Variants in CUL4B observed in about 807,000 individuals in gnomAD.
CUL4B encodes cullin-4B.
Under a neutral mutation model 69.2 loss-of-function variants are expected in CUL4B, and 1 was observed. That is an observed-to-expected ratio of 0.01 (90% confidence interval 0.01 to 0.07). The LOEUF is 0.07. Among genes scored for constraint, CUL4B ranks in the 10% least tolerant of loss-of-function variants. The pLI is 1.00. For missense variants in CUL4B, 328 were observed against 638.8 expected (o/e 0.51, Z 5.24); for synonymous variants, 237 against 223.2 (o/e 1.06, Z -0.55).
chrX:120,556,958 C>T (rs1396898463), intron 2 of CUL4B, among the ~76,000 whole-genome samples: 7 of 105,841 alleles, frequency 6.6e-5, no homozygotes, highest in Admixed American at 4.1e-4. Flanking sequence ...GTTGCCCAGG[C>T]TGGAGTGCAA....
intron 1 of CUL4B, among the ~76,000 whole-genome samples, chrX:120,558,818 G>A (rs1925126480): frequency 9.0e-6 from 1 of 111,500 alleles, no homozygotes; most frequent in South Asian, 3.7e-4. Flanking sequence ...TTTTAGGAGG[G>A]AGAGAAAAAA....
intron 18 of CUL4B, among the ~76,000 whole-genome samples, chrX:120,531,204 C>T (rs995003828): frequency 1.8e-5 from 2 of 109,211 alleles, no homozygotes; most frequent in East Asian, 5.8e-4. Context: ...CGCATGTAGT[C>T]CCAGCTACTC....
rs1923720513 is a variant in CUL4B, at chrX:120,537,137, A to G, written c.1939-103T>C. 6 of 593,470 alleles carry G rather than the reference A, an allele frequency of 1.0e-5. No individual in the cohort carries two copies. In the East Asian group the frequency reaches 1.7e-4, roughly 17 times the overall value. 48.9% of individuals were successfully genotyped at this position (593,470 alleles called of 1,213,427 possible). A position where few individuals can be genotyped will look rare whatever the true frequency, so the allele number is the denominator to read the frequency against. ...CCCTGTTATGAAATTACATGCAAACACTGACCATCCTTAAAATAAAAGGCA... is the reference window on the plus strand; with the variant it reads ...CCCTGTTATGAAATTACATGCAAACGCTGACCATCCTTAAAATAAAAGGCA... On this transcript the variant is annotated intron_variant, in intron 14 of 19. Transcript: ENST00000371322.
At chrX:120,546,268 T>C (rs968905548) in intron 4 of CUL4B, among the ~76,000 whole-genome samples, 6 of 110,376 alleles carry the variant, frequency 5.4e-5, no homozygotes, top group African/African-American at 2.0e-4. Flanking sequence ...AAGACTACAA[T>C]GGTGCAATGT....
intron 2 of CUL4B, among the ~76,000 whole-genome samples, chrX:120,574,079 AC>A (rs1250228320): frequency 1.9e-5 from 2 of 102,821 alleles, no homozygotes; most frequent in Middle Eastern, 5.1e-3. Flanking sequence ...CTCCCCGCCA[AC>A]CCCTCCTCCC....
At chrX:120,535,188 CT>C (rs1301056177) in intron 16 of CUL4B, among the ~76,000 whole-genome samples, 2 of 110,579 alleles carry the variant, frequency 1.8e-5, no homozygotes, top group African/African-American at 3.3e-5. Flanking sequence ...GAGTGGGACC[CT>C]ATCTCTAAAA....
chrX:120,530,401 A>G (rs1923238000), intron 18 of CUL4B, 147 bp from the exon 19 acceptor site: 1 of 535,998 alleles, frequency 1.9e-6, no homozygotes, highest in African/African-American at 2.3e-5. Context: ...AGATGCTGAC[A>G]GAGAAAAATC....
chrX:120,535,818 A>G lies in CUL4B; in HGVS notation c.2160+12T>C. The G allele has an allele frequency of 9.2e-7, 1 of 1,081,727 alleles. No individual in the cohort carries two copies. Among genetic ancestry groups the G allele is most frequent in the Non-Finnish European group, 1.3e-6 (1 of 777,039 alleles). The allele number at this position is 1,081,727 out of a possible 1,213,427, so 89.1% of individuals were successfully genotyped here. The stretch of plus-strand genomic sequence containing the variant: ...AAGATGAAAACTAAAAGTTTTGGGA[A>G]CATCCACTTACCTCTTTAAATTCTG... On this transcript the variant is annotated intron_variant, in intron 16 of 19. Coordinates refer to ENST00000371322, the MANE Select transcript of CUL4B (RefSeq NM_001079872.2).
In CUL4B at chrX:120,571,879, G is replaced by C. The variant is rs1925721067; in HGVS notation, c.*90C>G. The C allele has an allele frequency of 3.6e-5, 4 of 110,963 alleles. No homozygotes were observed. In the Admixed American group the frequency reaches 3.9e-4, roughly 11 times the overall value. 9.1% of individuals were successfully genotyped at this position (110,963 alleles called of 1,213,427 possible). The stretch of plus-strand genomic sequence containing the variant: ...ACTTTTTGTATCTGTGGGTTCCGCA[G>C]AGCTGACTGTGGGAGTTGAATATGC... On this transcript the variant is annotated 3_prime_UTR_variant, in exon 3 of 3. Coordinates refer to the CUL4B transcript ENST00000486604.
At chrX:120,538,603 A>G (rs886310482) in intron 13 of CUL4B, 57 bp downstream of exon 13, 21 of 789,279 alleles carry the variant, frequency 2.7e-5, no homozygotes, top group Middle Eastern at 2.8e-4. Context: ...AAGGGTAAAA[A>G]GCTAACATTC....
intron 18 of CUL4B, among the ~76,000 whole-genome samples, chrX:120,531,078 C>A (rs1923284137): frequency 9.0e-6 from 1 of 111,197 alleles, no homozygotes; most frequent in Non-Finnish European, 1.9e-5. Context: ...AATTCCAGCA[C>A]TTTGGGAGGC....
In CUL4B at chrX:120,558,999, G is replaced by A. The variant is rs867110484; in HGVS notation, c.557-960C>T. ...TCAGAAACTGAGAGCCTGGGTATGGGAAGGTAGTGATATAAAAAAGAAAGG... is the reference window on the plus strand; with the variant it reads ...TCAGAAACTGAGAGCCTGGGTATGGAAAGGTAGTGATATAAAAAAGAAAGG... On this transcript the variant is annotated intron_variant, in intron 1 of 19. Transcript: ENST00000371322. 3.6e-5 allele frequency among the ~76,000 whole-genome samples: 4 copies of A among 111,237 alleles called. No homozygotes were observed. The South Asian group carries it at 1.5e-3, about 42-fold the overall frequency.
upstream of CUL4B, among the ~76,000 whole-genome samples, chrX:120,566,434 G>T (rs1417600414): frequency 2.4e-5 from 2 of 84,505 alleles, no homozygotes; most frequent in South Asian, 1.4e-3. Context: ...TTTCGCTCTT[G>T]TTGCCCAGGC....
At chrX:120,534,003 T>G (rs1213617479) in intron 17 of CUL4B, among the ~76,000 whole-genome samples, 1 of 109,546 alleles carries the variant, frequency 9.1e-6, no homozygotes, top group African/African-American at 3.3e-5. Flanking sequence ...GAGGCAGAGG[T>G]TGCAGTGAGC....
In CUL4B at chrX:120,548,129, CTGGGCCCAG is replaced by C. The variant is rs1465893971; in HGVS notation, c.673-899_673-891del. 9.9e-5 allele frequency among the ~76,000 whole-genome samples: 11 copies of C among 111,186 alleles called. No individual in the cohort carries two copies. In the East Asian group the frequency reaches 3.1e-3, roughly 31 times the overall value. ...TCTCTACAAAAAATTTAAAAATTAGCTGGGCCCAGTGGTGTGTACCTGTAGTTCCAGCTA... is the reference window on the plus strand; with the variant it reads ...TCTCTACAAAAAATTTAAAAATTAGCTGGTGTGTACCTGTAGTTCCAGCTA... On this transcript the variant is annotated intron_variant, in intron 2 of 19. Coordinates refer to ENST00000371322, the MANE Select transcript of CUL4B (RefSeq NM_001079872.2).
rs181283715 is a variant in CUL4B, at chrX:120,526,039, A to G, written c.*722T>C. 6.3e-5 allele frequency: 7 copies of G among 111,930 alleles called. No individual in the cohort carries two copies. The East Asian group carries it at 2.0e-3, about 31-fold the overall frequency. The allele number at this position is 111,930 out of a possible 1,213,427, so 9.2% of individuals were successfully genotyped here. On this transcript the variant is annotated 3_prime_UTR_variant, in exon 20 of 20. Coordinates refer to ENST00000371322, the MANE Select transcript of CUL4B (RefSeq NM_001079872.2). ...TTAATTTTCTACTTTAGCTATTTTTATAAGTACTTGTTAATCAGCACAGTT... is the reference window on the plus strand; with the variant it reads ...TTAATTTTCTACTTTAGCTATTTTTGTAAGTACTTGTTAATCAGCACAGTT...
intron 9 of CUL4B, among the ~76,000 whole-genome samples, chrX:120,542,644 T>C (rs1329280661): frequency 1.8e-5 from 2 of 111,894 alleles, no homozygotes; most frequent in Non-Finnish European, 3.8e-5. Context: ...AGAGTCTCAC[T>C]ATGTTGCCCA....
Position 120,538,234 on chromosome X carries a change from T to G in CUL4B, c.1853-25A>C, listed in dbSNP as rs187407491. 6 of 1,026,312 alleles carry G rather than the reference T, an allele frequency of 5.8e-6. No homozygotes were observed. In the African/African-American group the frequency reaches 1.1e-4, roughly 19 times the overall value. The allele number at this position is 1,026,312 out of a possible 1,213,427, so 84.6% of individuals were successfully genotyped here. A position where few individuals can be genotyped will look rare whatever the true frequency, so the allele number is the denominator to read the frequency against. ...TCTATTAAAGATGTTTGTACATGTATAATATTTTAAAGTGGTAAAAACAAA... is the reference window on the plus strand; with the variant it reads ...TCTATTAAAGATGTTTGTACATGTAGAATATTTTAAAGTGGTAAAAACAAA... On this transcript the variant is annotated intron_variant, in intron 13 of 19. Transcript: ENST00000371322.
Position 120,525,934 on chromosome X carries a change from C to A in CUL4B, c.*827G>T, listed in dbSNP as rs1031514523. On this transcript the variant is annotated 3_prime_UTR_variant, in exon 20 of 20. Coordinates refer to ENST00000371322, the MANE Select transcript of CUL4B (RefSeq NM_001079872.2). The stretch of plus-strand genomic sequence containing the variant: ...AACACGTTCATTTTGGTCTCTTTTG[C>A]AATTTTCTTATTGTATTCATTTTTA... The A allele has an allele frequency of 5.4e-5, 6 of 111,682 alleles. No homozygotes were observed. The highest frequency in any genetic ancestry group is 1.9e-4 in the African/African-American group (6 of 30,792). The allele number at this position is 111,682 out of a possible 1,213,427, so 9.2% of individuals were successfully genotyped here.
Sources: allele counts gnomAD v4.1 joint callset (sites outside exome capture counted in the v4.1 genomes callset), GRCh38; gene constraint gnomAD v4.1.1; transcripts MANE v1.5; gene names NCBI Gene and HGNC (gene_info 2026-07-23, HGNC 2026-07-21).